ATXN1: variants seen among roughly 807,000 people sequenced by gnomAD.
ATXN1 encodes ataxin-1.
Under a neutral mutation model 56.4 loss-of-function variants are expected in ATXN1, and 8 were observed. The observed-to-expected ratio is 0.14, with a 90% CI of 0.08 to 0.26. ATXN1 has a LOEUF of 0.26. Ranked by LOEUF, ATXN1 falls within the 10% of genes least tolerant of loss-of-function variation. The pLI, the probability that ATXN1 is intolerant of heterozygous loss-of-function variation, is 1.00. For synonymous variants in ATXN1, 514 were observed against 494.6 expected, an observed-to-expected ratio of 1.04 and a Z score of -0.52; for missense variants, 987 against 1,106.5, an observed-to-expected ratio of 0.89 and a Z score of 1.53.
At position 16,758,752 on chromosome 6, in the gene ATXN1, C is replaced by A. The variant is rs78785069; in HGVS notation, c.-730+2546G>T. ...ACCGAAAACCTACACCACTGACAGG[C>A]AGCCAGGAGGTTCAGGGGAGCCCTT... On this transcript the variant is annotated intron_variant, in intron 1 of 7. Transcript: ENST00000436367. Among the ~76,000 whole-genome samples the A allele has an allele frequency of 9.3e-3, 1,424 of 152,328 alleles. 22 individuals carry two copies. The highest frequency in any genetic ancestry group is 0.032 in the African/African-American group (1,332 of 41,570).
intron 2 of ATXN1, among the ~76,000 whole-genome samples, chr6:16,674,245 A>G (rs1363882984): frequency 6.6e-6 from 1 of 152,146 alleles, no homozygotes; most frequent in Admixed American, 6.5e-5. Flanking sequence ...CCCGCAGCCC[A>G]ACCTAGCCAA....
At chr6:16,307,003 C>T in intron 7 of ATXN1, 144 bp from the exon 8 acceptor site, 1 of 965,410 alleles carries the variant, frequency 1.0e-6, no homozygotes, top group Non-Finnish European at 1.5e-6. Flanking sequence ...ACTCAGTTTG[C>T]AAACCTCCCT....
chr6:16,605,441 C>T (rs1324766076), intron 3 of ATXN1, among the ~76,000 whole-genome samples: 2 of 152,178 alleles, frequency 1.3e-5, no homozygotes, highest in Admixed American at 6.5e-5. Context: ...CCCATGAGCC[C>T]TGCAAGGCTC....
intron 6 of ATXN1, among the ~76,000 whole-genome samples, chr6:16,354,988 G>A (rs1010774800): frequency 6.6e-6 from 1 of 152,180 alleles, no homozygotes; most frequent in Non-Finnish European, 1.5e-5. Flanking sequence ...TTTGACTTTA[G>A]GGCACCTTGC....
At chr6:16,543,013 T>A (rs1581833674) in intron 4 of ATXN1, among the ~76,000 whole-genome samples, 1 of 148,678 alleles carries the variant, frequency 6.7e-6, no homozygotes, top group East Asian at 2.0e-4. Flanking sequence ...AGATGGGGGG[T>A]GGGGGGAACT....
At chr6:16,644,340 C>T (rs527416469) in intron 3 of ATXN1, among the ~76,000 whole-genome samples, 1 of 152,096 alleles carries the variant, frequency 6.6e-6, no homozygotes, top group East Asian at 1.9e-4. Context: ...CATGGTGAAA[C>T]CCCATCTCTA....
rs114601949 is a variant in ATXN1 at position 16,574,977 on chromosome 6, C to T, written c.-361+10803G>A. ...AGGGGTCAGTTATTTTTTCGAATGT[C>T]CTTCCATTTGAGTTTGCTATTTTTT... On this transcript the variant is annotated intron_variant, in intron 4 of 7. Transcript: ENST00000436367. Among the ~76,000 whole-genome samples, 582 of 148,378 alleles carry T rather than the reference C, an allele frequency of 3.9e-3. 3 individuals are homozygous for T. Among genetic ancestry groups the T allele is most frequent in the Non-Finnish European group, 5.5e-3 (376 of 67,940 alleles).
At chr6:16,417,822 T>G (rs535967963) in intron 6 of ATXN1, among the ~76,000 whole-genome samples, 1 of 152,156 alleles carries the variant, frequency 6.6e-6, no homozygotes, top group South Asian at 2.1e-4. Context: ...CATTCATGCT[T>G]GAAGAAGAAA....
At chr6:16,504,078 C>T (rs1458161734) in intron 5 of ATXN1, among the ~76,000 whole-genome samples, 1 of 152,132 alleles carries the variant, frequency 6.6e-6, no homozygotes, top group Admixed American at 6.5e-5. Context: ...ATATCTTGTG[C>T]CTTTCAGCCC....
intron 6 of ATXN1, among the ~76,000 whole-genome samples, chr6:16,480,838 C>G (rs1490799416): frequency 1.3e-5 from 2 of 152,122 alleles, no homozygotes; most frequent in African/African-American, 2.4e-5. Flanking sequence ...AGAGGAGGAG[C>G]TGAGTACTTG....
intron 7 of ATXN1, among the ~76,000 whole-genome samples, chr6:16,316,917 G>C (rs924557996): frequency 3.3e-5 from 4 of 121,982 alleles, no homozygotes; most frequent in African/African-American, 1.4e-4. Context: ...AAAGTGGGCT[G>C]TGACCTCCCC....
At chr6:16,541,258 GC>G (rs1392395676) in intron 4 of ATXN1, among the ~76,000 whole-genome samples, 1 of 152,150 alleles carries the variant, frequency 6.6e-6, no homozygotes, top group African/African-American at 2.4e-5. Context: ...ACCTGACCCA[GC>G]CCTGAAACTT....
chr6:16,437,984 T>C (rs1759428829), intron 6 of ATXN1, among the ~76,000 whole-genome samples: 1 of 152,216 alleles, frequency 6.6e-6, no homozygotes, highest in Non-Finnish European at 1.5e-5. Flanking sequence ...GGACTTCTTA[T>C]GGCAGTGGTC....
Position 16,306,061 on chromosome 6 carries a change from C to T in ATXN1, c.*268G>A. ...GCTAGAGAAGGCAGGCACTGTGAAG[C>T]CCCGTTCCTTTCTTCCCCGGGGATG... On this transcript the variant is annotated 3_prime_UTR_variant, in exon 8 of 8. Coordinates refer to ENST00000436367, the MANE Select transcript of ATXN1 (RefSeq NM_001128164.2). The surrounding 1 kb of genome is among the most constrained non-coding windows in gnomAD (Gnocchi z 5.2). 2.9e-6 allele frequency: 1 copy of T among 347,052 alleles called. No homozygotes were observed. The highest frequency in any genetic ancestry group is 5.4e-6 in the Non-Finnish European group (1 of 186,298). 21.5% of individuals were successfully genotyped at this position (347,052 alleles called of 1,614,324 possible). A position where few individuals can be genotyped will look rare whatever the true frequency, so the allele number is the denominator to read the frequency against.
intron 2 of ATXN1, among the ~76,000 whole-genome samples, chr6:16,694,562 A>G (rs1311029015): frequency 6.6e-6 from 1 of 152,244 alleles, no homozygotes; most frequent in Non-Finnish European, 1.5e-5. Flanking sequence ...TGGTTGTAAA[A>G]GCACAGTTAT....
chr6:16,469,291 T>C (rs1023350408), intron 6 of ATXN1, among the ~76,000 whole-genome samples: 1 of 152,200 alleles, frequency 6.6e-6, no homozygotes, highest in African/African-American at 2.4e-5. Flanking sequence ...ATAAGTTTAA[T>C]ACAGTGTGAT....
In ATXN1 at chr6:16,713,808, C is replaced by T. The variant is rs985527897; in HGVS notation, c.-615+39425G>A. On this transcript the variant is annotated intron_variant, in intron 2 of 7. Coordinates refer to ENST00000436367, the MANE Select transcript of ATXN1 (RefSeq NM_001128164.2). The stretch of plus-strand genomic sequence containing the variant: ...GGCGCCCAGAAATCTGTGGTCTAAA[C>T]AAGCCTTCCAGGTGCCTCTGATGCA... Among the ~76,000 whole-genome samples, 3 of 152,202 alleles carry T rather than the reference C, an allele frequency of 2.0e-5. No homozygotes were observed. The East Asian group carries it at 5.8e-4, about 29-fold the overall frequency.
chr6:16,567,444 G>A (rs1033327923), intron 4 of ATXN1, among the ~76,000 whole-genome samples: 1 of 152,144 alleles, frequency 6.6e-6, no homozygotes, highest in African/African-American at 2.4e-5. Context: ...AATAACTTGC[G>A]CTTATTCTGA....
At chr6:16,579,507 T>G (rs1037389823) in intron 4 of ATXN1, among the ~76,000 whole-genome samples, 1 of 47,318 alleles carries the variant, frequency 2.1e-5, no homozygotes, top group Non-Finnish European at 5.7e-5. Context: ...GCCGATTCAT[T>G]CCCAAGTCCA....
Sources: allele counts gnomAD v4.1 joint callset (sites outside exome capture counted in the v4.1 genomes callset), GRCh38; gene constraint gnomAD v4.1.1; non-coding constraint Gnocchi (gnomAD v3.1); transcripts MANE v1.5; gene names NCBI Gene and HGNC (gene_info 2026-07-23, HGNC 2026-07-21).